The following LINC00305 variants were observed in gnomAD, a reference collection of about 807,000 sequenced individuals.
LINC00305 encodes the protein long independently transcribed non-coding RNA 305, also known as long intergenic non-protein coding RNA 305.
intron 1 of LINC00305, among the ~76,000 whole-genome samples, chr18:64,146,560 A>G (rs1018564079): frequency 1.3e-5 from 2 of 152,212 alleles, no homozygotes; most frequent in African/African-American, 2.4e-5. Flanking sequence ...AGACAGCCAG[A>G]CATAACCAGC....
intron 1 of LINC00305, among the ~76,000 whole-genome samples, chr18:64,139,134 C>T (rs747531999): frequency 2.4e-4 from 37 of 152,314 alleles, no homozygotes; most frequent in Non-Finnish European, 4.4e-4. Context: ...AACTGAAATT[C>T]CAAATCAAGT....
chr18:64,101,670 C>T (rs2051268464), intron 1 of LINC00305, among the ~76,000 whole-genome samples: 1 of 152,152 alleles, frequency 6.6e-6, no homozygotes, highest in Admixed American at 6.6e-5. Flanking sequence ...AATCAGGTCA[C>T]ATTCTGAGGC....
chr18:64,147,224 G>T (rs2051502246), intron 1 of LINC00305: 1 of 152,104 alleles, frequency 6.6e-6, no homozygotes, highest in Non-Finnish European at 1.5e-5. Context: ...AAAACTCATA[G>T]ATATCTTTAA....
At chr18:64,106,996 A>G (rs1354776822) in intron 1 of LINC00305, among the ~76,000 whole-genome samples, 1 of 152,200 alleles carries the variant, frequency 6.6e-6, no homozygotes, top group Admixed American at 6.5e-5. Context: ...GCTAAGAAAT[A>G]GGGTATAATT....
chr18:64,122,793 A>G (rs1039953659), intron 1 of LINC00305, among the ~76,000 whole-genome samples: 2 of 152,084 alleles, frequency 1.3e-5, no homozygotes, highest in Admixed American at 6.6e-5. Context: ...CATTTTAATG[A>G]TATCAATATT....
intron 1 of LINC00305, among the ~76,000 whole-genome samples, chr18:64,130,914 T>C (rs2051406770): frequency 6.6e-6 from 1 of 152,174 alleles, no homozygotes. Flanking sequence ...GTGAAAGACC[T>C]TTCATACCAT....
At chr18:64,108,794 A>G (rs1184256978) in intron 1 of LINC00305, among the ~76,000 whole-genome samples, 1 of 152,198 alleles carries the variant, frequency 6.6e-6, no homozygotes, top group Non-Finnish European at 1.5e-5. Context: ...CTTTGATTAT[A>G]TATTTTTTCA....
At chr18:64,148,529 T>C (rs1418302586) in intron 1 of LINC00305, among the ~76,000 whole-genome samples, 1 of 152,070 alleles carries the variant, frequency 6.6e-6, no homozygotes, top group African/African-American at 2.4e-5. Flanking sequence ...TGGAACAAGG[T>C]TCCCTTTCTC....
At chr18:64,121,662 A>G (rs1407432823) in intron 1 of LINC00305, among the ~76,000 whole-genome samples, 1 of 152,162 alleles carries the variant, frequency 6.6e-6, no homozygotes, top group Non-Finnish European at 1.5e-5. Context: ...ATACGGGCAC[A>G]GGTATTTTTT....
intron 1 of LINC00305, among the ~76,000 whole-genome samples, chr18:64,127,674 A>G (rs1316371297): frequency 6.6e-6 from 1 of 152,118 alleles, no homozygotes; most frequent in Admixed American, 6.6e-5. Context: ...ATAACCAAGG[A>G]AGCAACCCCT....
intron 1 of LINC00305, among the ~76,000 whole-genome samples, chr18:64,114,044 C>T (rs2051326727): frequency 1.3e-5 from 2 of 152,226 alleles, no homozygotes; most frequent in African/African-American, 2.4e-5. Flanking sequence ...CCGAGGCGGG[C>T]GGATCACAAG....
chr18:64,121,854 T>C (rs555336215), intron 1 of LINC00305, among the ~76,000 whole-genome samples: 3 of 152,294 alleles, frequency 2.0e-5, no homozygotes, highest in Non-Finnish European at 4.4e-5. Flanking sequence ...CCAATATTTG[T>C]TATACATTAT....
At chr18:64,095,144 C>T (rs1291337903) in intron 3 of LINC00305, among the ~76,000 whole-genome samples, 16 of 152,032 alleles carry the variant, frequency 1.1e-4, no homozygotes, top group Non-Finnish European at 2.4e-4. Context: ...AAAAATACCC[C>T]TTTTGAGCTT....
At chr18:64,099,011 A>C (rs992162403) in intron 1 of LINC00305, among the ~76,000 whole-genome samples, 2 of 152,192 alleles carry the variant, frequency 1.3e-5, no homozygotes, top group Non-Finnish European at 2.9e-5. Context: ...GTGTTTGAGC[A>C]GAGAGGATAT....
At chr18:64,123,333 A>G (rs1047334543) in intron 1 of LINC00305, among the ~76,000 whole-genome samples, 1 of 152,068 alleles carries the variant, frequency 6.6e-6, no homozygotes, top group Non-Finnish European at 1.5e-5. Context: ...CTCTACTTCC[A>G]CTAGCTCCTT....
intron 3 of LINC00305, among the ~76,000 whole-genome samples, chr18:64,089,980 A>G (rs1000504684): frequency 6.6e-6 from 1 of 152,208 alleles, no homozygotes; most frequent in African/African-American, 2.4e-5. Context: ...AAACCATATC[A>G]GTGCCTGTTT....
At chr18:64,112,017 C>T (rs181162947) in intron 1 of LINC00305, among the ~76,000 whole-genome samples, 31 of 152,142 alleles carry the variant, frequency 2.0e-4, no homozygotes, top group East Asian at 1.4e-3. Context: ...CTTAATATGT[C>T]GTGTGGATCT....
chr18:64,140,656 A>G (rs2051457938), intron 1 of LINC00305, among the ~76,000 whole-genome samples: 1 of 152,178 alleles, frequency 6.6e-6, no homozygotes, highest in Non-Finnish European at 1.5e-5. Flanking sequence ...AGAGCCTGAG[A>G]CATCCACGTG....
chr18:64,089,605 G>A (rs550299390), intron 3 of LINC00305, among the ~76,000 whole-genome samples: 4 of 152,288 alleles, frequency 2.6e-5, no homozygotes, highest in African/African-American at 9.6e-5. Context: ...CAGGAAATGA[G>A]TTGTCCTGGA....
Sources: allele counts gnomAD v4.1 joint callset (sites outside exome capture counted in the v4.1 genomes callset), GRCh38; gene constraint gnomAD v4.1.1; transcripts MANE v1.5; gene names NCBI Gene and HGNC (gene_info 2026-07-23, HGNC 2026-07-21).